The following TLE4 variants were observed in gnomAD, a reference collection of about 807,000 sequenced individuals.
The protein encoded by TLE4 is transducin-like enhancer protein 4.
A neutral mutation model predicts 92.8 loss-of-function variants in TLE4; 8 were observed. The ratio of observed to expected loss-of-function variants is 0.09; its 90% CI spans 0.05 to 0.16. TLE4 has a LOEUF of 0.16. Among genes scored for constraint, TLE4 ranks in the 10% least tolerant of loss-of-function variants. TLE4 has a pLI of 1.00. For synonymous variants in TLE4, 371 were observed against 374.1 expected, an observed-to-expected ratio of 0.99 and a Z score of 0.10; for missense variants, 675 against 997.6, an observed-to-expected ratio of 0.68 and a Z score of 4.36.
chr9:79,703,053 T>C (rs979664315), intron 8 of TLE4, among the ~76,000 whole-genome samples: 3 of 148,802 alleles, frequency 2.0e-5, no homozygotes, highest in African/African-American at 7.5e-5. Flanking sequence ...CAGACTAAGA[T>C]AAAGCAAAAA....
At chr9:79,600,128 T>G (rs1437225347) in intron 4 of TLE4, among the ~76,000 whole-genome samples, 1 of 152,246 alleles carries the variant, frequency 6.6e-6, no homozygotes, top group African/African-American at 2.4e-5. Flanking sequence ...AAGGTGCATT[T>G]GTTTAAATAT....
intron 8 of TLE4, among the ~76,000 whole-genome samples, chr9:79,682,046 A>C (rs1397743358): frequency 6.6e-6 from 1 of 151,932 alleles, no homozygotes; most frequent in Non-Finnish European, 1.5e-5. Flanking sequence ...AAAGAGGGCC[A>C]CTCAGATTCA....
chr9:79,647,343 A>T (rs2058255992), intron 6 of TLE4, among the ~76,000 whole-genome samples: 1 of 152,166 alleles, frequency 6.6e-6, no homozygotes, highest in Non-Finnish European at 1.5e-5. Flanking sequence ...TAGTTCAGGG[A>T]AAGTTTAGTG....
chr9:79,613,743 T>C (rs17082575), intron 5 of TLE4, among the ~76,000 whole-genome samples: 9 of 152,120 alleles, frequency 5.9e-5, no homozygotes, highest in Non-Finnish European at 1.3e-4. Context: ...GCCAATGTTA[T>C]GTGGCCAATA....
intron 2 of TLE4, 146 bp downstream of exon 2, chr9:79,573,932 C>T: frequency 2.3e-6 from 1 of 433,386 alleles, no homozygotes; most frequent in Non-Finnish European, 4.0e-6. Flanking sequence ...AAGGGCAAAT[C>T]AAGGCCTCCT....
intron 8 of TLE4, among the ~76,000 whole-genome samples, chr9:79,694,183 A>C (rs938458899): frequency 1.3e-5 from 2 of 152,190 alleles, no homozygotes; most frequent in African/African-American, 4.8e-5. Context: ...GGAGAGGGAA[A>C]GGTCAGAGAA....
chr9:79,644,615 C>T (rs1205444785), intron 6 of TLE4, among the ~76,000 whole-genome samples: 2 of 152,226 alleles, frequency 1.3e-5, no homozygotes, highest in African/African-American at 4.8e-5. Flanking sequence ...CTTTCTCACA[C>T]CTAGCCCGAC....
At chr9:79,702,566 A>G (rs577590403) in intron 8 of TLE4, among the ~76,000 whole-genome samples, 1 of 152,352 alleles carries the variant, frequency 6.6e-6, no homozygotes, top group South Asian at 2.1e-4. Context: ...AGTCCACTTT[A>G]AAAAATCGTT....
chr9:79,654,726 A>G (rs1480936735), intron 8 of TLE4, among the ~76,000 whole-genome samples: 2 of 152,192 alleles, frequency 1.3e-5, no homozygotes, highest in Non-Finnish European at 2.9e-5. Flanking sequence ...TACCTCCAGA[A>G]TGGGATGTGC....
At chr9:79,709,757 C>T in intron 14 of TLE4, 58 bp downstream of exon 14, 1 of 1,483,090 alleles carries the variant, frequency 6.7e-7, no homozygotes, top group Non-Finnish European at 9.4e-7. Flanking sequence ...CCTTGCTGGC[C>T]CCGTAGACTT....
chr9:79,668,419 GA>G (rs2061742117), intron 8 of TLE4, among the ~76,000 whole-genome samples: 2 of 152,322 alleles, frequency 1.3e-5, no homozygotes, highest in South Asian at 2.1e-4. Context: ...ATGGGAAGTG[GA>G]AGGTGTATTC....
At chr9:79,597,774 T>C (rs541646026) in intron 4 of TLE4, among the ~76,000 whole-genome samples, 1 of 152,214 alleles carries the variant, frequency 6.6e-6, no homozygotes, top group Non-Finnish European at 1.5e-5. Flanking sequence ...TCTCCAGCTA[T>C]ATGATCATGG....
chr9:79,708,561 T>C, intron 12 of TLE4, 32 bp from the exon 13 acceptor site: 1 of 1,587,520 alleles, frequency 6.3e-7, no homozygotes, highest in Non-Finnish European at 8.6e-7. Context: ...TCCTGTGTTC[T>C]TCATTTTTCT....
chr9:79,632,969 A>G (rs2054706527), intron 6 of TLE4, among the ~76,000 whole-genome samples: 1 of 152,188 alleles, frequency 6.6e-6, no homozygotes, highest in Non-Finnish European at 1.5e-5. Context: ...CATCAAACAC[A>G]TGGCAGGAAC....
Position 79,653,999 on chromosome 9 carries a change from ACTTTT to A in TLE4, c.593-51_593-47del, listed in dbSNP as rs932298832. ...TATGATTTTATGTAAACTAACTAGTACTTTTCTTTTCTTCTTCCCACCACTTTATC... is the reference window on the plus strand; with the variant it reads ...TATGATTTTATGTAAACTAACTAGTACTTTTCTTCTTCCCACCACTTTATC... On this transcript the variant is annotated intron_variant, in intron 7 of 19. Transcript: ENST00000376552. The A allele has an allele frequency of 1.4e-5, 22 of 1,573,016 alleles. No individual in the cohort carries two copies. In the African/African-American group the frequency reaches 1.8e-4, roughly 13 times the overall value.
intron 6 of TLE4, chr9:79,627,803 C>G (rs1289552366): frequency 8.7e-6 from 2 of 228,986 alleles, no homozygotes; most frequent in Admixed American, 1.0e-4. Flanking sequence ...TTTTTCTTTC[C>G]TTGAATAATC....
chr9:79,651,031 A>ATCTCTCTCTC (rs10580766), intron 6 of TLE4, among the ~76,000 whole-genome samples: 1,825 of 138,720 alleles, frequency 0.013, 32 homozygotes, highest in African/African-American at 0.036. Flanking sequence ...GGAATGATCG[A>ATCTCTCTCTC]TCTCTCTCTC....
intron 4 of TLE4, among the ~76,000 whole-genome samples, chr9:79,599,248 G>A (rs1223310245): frequency 6.6e-6 from 1 of 152,168 alleles, no homozygotes; most frequent in Non-Finnish European, 1.5e-5. Flanking sequence ...TCCATAGTCT[G>A]ACCCCAGTGA....
At chr9:79,715,197 T>A (rs570398517) in intron 14 of TLE4, among the ~76,000 whole-genome samples, 301 of 152,350 alleles carry the variant, frequency 2.0e-3, no homozygotes, top group African/African-American at 6.5e-3. Flanking sequence ...CAGTGCTCTT[T>A]AATAACCATT....
Sources: gnomAD v4.1 joint callset for allele counts (sites outside exome capture counted in the v4.1 genomes callset) on GRCh38, gnomAD v4.1.1 for gene constraint, MANE v1.5 for transcripts, NCBI Gene and HGNC (gene_info 2026-07-23, HGNC 2026-07-21) for gene names.